The following FAM186B variants were observed in gnomAD, a reference collection of about 807,000 sequenced individuals.
The protein encoded by FAM186B is protein FAM186B.
Under a neutral mutation model 83.4 loss-of-function variants are expected in FAM186B, and 68 were observed. The ratio of observed to expected loss-of-function variants is 0.81; its 90% CI spans 0.67 to 1.00. The LOEUF (loss-of-function observed/expected upper bound fraction) is 1.00. FAM186B is among the 50% of genes least tolerant of loss of function. The pLI, the probability that FAM186B is intolerant of heterozygous loss-of-function variation, is 0.00. For missense variants in FAM186B, 983 were observed against 1,099.2 expected (o/e 0.89, Z 1.49); for synonymous variants, 389 against 422.0 (o/e 0.92, Z 0.96).
At position 49,604,406 on chromosome 12, in the gene FAM186B, ATC is replaced by A; in HGVS notation, c.227_228del (p.Arg76IlefsTer23). On this transcript the variant is annotated frameshift_variant, in exon 2 of 7. Transcript: ENST00000257894. LOFTEE classifies it high-confidence loss of function. ...GAGGCAATTTTTTCCAGCAAGATGA[ATC>A]TCTTCTTGCCCTTTGGATCTCTCTG... ...SQQRDPKGKK[R>X]FILLEKIASF... 6.2e-7 allele frequency: 1 copy of A among 1,614,152 alleles called. No individual in the cohort carries two copies. The highest frequency in any genetic ancestry group is 8.5e-7 in the Non-Finnish European group (1 of 1,179,968).
rs1939473767 is a variant in FAM186B at position 49,587,570 on chromosome 12, G to C, written c.*35C>G. 1.2e-6 allele frequency: 2 copies of C among 1,613,676 alleles called. No individual in the cohort carries two copies. Among genetic ancestry groups the C allele is most frequent in the Admixed American group, 3.3e-5 (2 of 59,992 alleles). ...GACCATCAGCCTCGCACCTTACTGG[G>C]CCTTCAGGAAGTTCAGGCTTTTGTG... On this transcript the variant is annotated 3_prime_UTR_variant, in exon 7 of 7. Coordinates refer to ENST00000257894, the MANE Select transcript of FAM186B (RefSeq NM_032130.3).
chr12:49,605,323 GC>G, intron 1 of FAM186B, 58 bp downstream of exon 1: 1 of 1,569,254 alleles, frequency 6.4e-7, no homozygotes. Flanking sequence ...CCTGGGATCA[GC>G]CCCCAGTCTC....
the FAM186B span, among the ~76,000 whole-genome samples, chr12:49,621,383 A>C: frequency 6.6e-6 from 1 of 152,286 alleles, no homozygotes; most frequent in African/African-American, 2.4e-5. Context: ...AAACAAAACA[A>C]CAACAACAAA....
chr12:49,588,524 G>A lies in FAM186B; in HGVS notation c.2464C>T (p.Pro822Ser), dbSNP rs202162733. The change falls in exon 6 of 7, where the codon CCC becomes TCC. Residue 822 changes from proline (P) to serine (S), a missense_variant. By Grantham distance (74) the Pro-to-Ser change is moderately conservative. Transcript: ENST00000257894. The part of the protein sequence containing the change: ...LPAASPRHIR[P>S]SGPTYKQPFL... ...GGCTGCTTGTAGGTGGGGCCACTGG[G>A]GCGGATGTGCCGGGGTGAGGCTGCA... The A allele has an allele frequency of 7.4e-6, 12 of 1,613,510 alleles. No homozygotes were observed. The highest frequency in any genetic ancestry group is 4.0e-5 in the African/African-American group (3 of 75,044).
upstream of FAM186B, among the ~76,000 whole-genome samples, chr12:49,605,953 G>A (rs138035849): frequency 8.9e-3 from 1,355 of 151,534 alleles, 8 homozygotes; most frequent in Middle Eastern, 0.014. Flanking sequence ...TAGTAAAGAC[G>A]GGGTTTCACT....
chr12:49,611,004 C>T, the FAM186B span, among the ~76,000 whole-genome samples: 1 of 151,486 alleles, frequency 6.6e-6, no homozygotes, highest in South Asian at 2.1e-4. Flanking sequence ...ACTTGAGAGG[C>T]CAAGGCGGGC....
the FAM186B span, among the ~76,000 whole-genome samples, chr12:49,622,459 A>C: frequency 6.6e-6 from 1 of 152,202 alleles, no homozygotes; most frequent in East Asian, 1.9e-4. Flanking sequence ...GTGAACCCTG[A>C]TTGTGCCACT....
Position 49,599,715 on chromosome 12 carries a change from A to T in FAM186B, c.1925T>A (p.Ile642Asn), listed in dbSNP as rs779249578. 3.1e-6 allele frequency: 5 copies of T among 1,613,616 alleles called. No homozygotes were observed. Among genetic ancestry groups the T allele is most frequent in the Non-Finnish European group, 4.2e-6 (5 of 1,179,768 alleles). ...CAAAGAGGGCCAGGTCAGCCTTCGG[A>T]TGGATGTCCCAGTGACAGGAAAGGA... The part of the protein sequence containing the change: ...SASFPVTGTS[I>N]RRLTWPSLQI... The change falls in exon 4 of 7, where the codon ATC becomes AAC. Residue 642 changes from isoleucine (I) to asparagine (N), a missense_variant. Physicochemically the swap from Ile to Asn is moderately radical, Grantham distance 149. Transcript: ENST00000257894.
chr12:49,584,684 C>G (rs1040775290), downstream of FAM186B: 14 of 699,088 alleles, frequency 2.0e-5, no homozygotes, highest in Non-Finnish European at 2.6e-6. Context: ...GAGTGCCATC[C>G]CACACCTGAG....
In FAM186B at chr12:49,599,855, G is replaced by A. The variant is rs758503302; in HGVS notation, c.1785C>T (p.Pro595=). The change falls in exon 4 of 7, where the codon CCC becomes CCT. Residue 595 remains proline (P), a synonymous_variant. Transcript: ENST00000257894. ...SAHQSRRPHL[P]MSPSTQQPAL... ...CAGGCTGCTGGGTACTAGGAGACAT[G>A]GGCAAGTGTGGCCTCCTGCTTTGGT... is the stretch of plus-strand genomic sequence containing the variant. 1.9e-6 allele frequency: 3 copies of A among 1,608,298 alleles called. No homozygotes were observed. Among genetic ancestry groups the A allele is most frequent in the Non-Finnish European group, 2.5e-6 (3 of 1,176,772 alleles).
At position 49,599,713 on chromosome 12, in the gene FAM186B, G is replaced by T. The variant is rs368859212; in HGVS notation, c.1927C>A (p.Arg643=). The stretch of plus-strand genomic sequence containing the variant: ...TGCAAAGAGGGCCAGGTCAGCCTTC[G>T]GATGGATGTCCCAGTGACAGGAAAG... ...ASFPVTGTSI[R]RLTWPSLQIS... Residue 643 remains arginine (R), a synonymous_variant, in exon 4 of 7, where the codon CGA becomes AGA. Transcript: ENST00000257894. The T allele has an allele frequency of 2.7e-5, 44 of 1,613,378 alleles. No homozygotes were observed. Among genetic ancestry groups the T allele is most frequent in the Middle Eastern group, 1.6e-4 (1 of 6,080 alleles).
At chr12:49,596,273 C>T (rs1031458846) in intron 5 of FAM186B, among the ~76,000 whole-genome samples, 2 of 131,450 alleles carry the variant, frequency 1.5e-5, no homozygotes, top group African/African-American at 6.0e-5. Flanking sequence ...ATAAAATAGG[C>T]AGAGCAGGAG....
At chr12:49,596,996 A>C (rs1427287796) in intron 5 of FAM186B, among the ~76,000 whole-genome samples, 1 of 152,242 alleles carries the variant, frequency 6.6e-6, no homozygotes, top group Non-Finnish European at 1.5e-5. Flanking sequence ...TTATAATACC[A>C]TATCTTTACT....
rs971610827 is a variant in FAM186B at position 49,603,243 on chromosome 12, G to T, written c.447C>A (p.Ile149=). ...PLSLIATKRG[I]ESLTALCSTL... is the part of the protein sequence containing the mutation. ...TGGAGCAAAGGGCAGTGAGTGACTC[G>T]ATGCCTCTTTTGGTGGCAATGAGGG... Residue 149 remains isoleucine (I), a synonymous_variant, in exon 3 of 7, where the codon ATC becomes ATA. Transcript: ENST00000257894. The T allele has an allele frequency of 6.2e-7, 1 of 1,614,056 alleles. No individual in the cohort carries two copies. The highest frequency in any genetic ancestry group is 1.7e-5 in the Admixed American group (1 of 60,000).
intron 6 of FAM186B, 38 bp downstream of exon 6, chr12:49,588,416 C>A (rs1376029385): frequency 1.3e-6 from 2 of 1,582,568 alleles, no homozygotes; most frequent in African/African-American, 2.7e-5. Flanking sequence ...GCCTCTTCAC[C>A]CATACAGCTG....
At chr12:49,613,700 A>T in the FAM186B span, among the ~76,000 whole-genome samples, 2 of 150,802 alleles carry the variant, frequency 1.3e-5, no homozygotes, top group African/African-American at 4.9e-5. Context: ...TTAACCAGGC[A>T]TGGTGGCATG....
At chr12:49,612,985 A>G in the FAM186B span, among the ~76,000 whole-genome samples, 2 of 152,212 alleles carry the variant, frequency 1.3e-5, no homozygotes, top group Non-Finnish European at 2.9e-5. Context: ...ATGCTTGGCC[A>G]TAAAGCAAGT....
downstream of FAM186B, among the ~76,000 whole-genome samples, chr12:49,585,419 G>A (rs532969195): frequency 1.3e-5 from 2 of 152,288 alleles, no homozygotes; most frequent in African/African-American, 2.4e-5. Context: ...GAAAGCATTT[G>A]GGATCTGCAG....
chr12:49,588,056 G>A (rs533360392), intron 6 of FAM186B, among the ~76,000 whole-genome samples: 4 of 152,306 alleles, frequency 2.6e-5, no homozygotes, highest in South Asian at 2.1e-4. Flanking sequence ...TCCTTTTAGC[G>A]CCCCAGAGGT....
Sources: allele counts gnomAD v4.1 joint callset (sites outside exome capture counted in the v4.1 genomes callset), GRCh38; gene constraint gnomAD v4.1.1; transcripts MANE v1.5; gene names NCBI Gene and HGNC (gene_info 2026-07-23, HGNC 2026-07-21).